LRRTM4: variants seen among roughly 807,000 people sequenced by gnomAD.
LRRTM4 encodes the protein leucine-rich repeat transmembrane neuronal protein 4.
LRRTM4 carries 25 observed loss-of-function variants against 47.6 expected under a neutral mutation model. That is an observed-to-expected ratio of 0.53 (90% CI 0.38 to 0.73). LRRTM4 has a LOEUF of 0.73. Among genes scored for constraint, LRRTM4 ranks in the 30% least tolerant of loss-of-function variants. The probability of loss-of-function intolerance (pLI) is 0.00; values close to 1 mark genes in which losing one functional copy is unlikely to be tolerated. For missense variants in LRRTM4, 638 were observed against 713.4 expected (o/e 0.89, Z 1.20); for synonymous variants, 311 against 269.5 (o/e 1.15, Z -1.51).
intron 3 of LRRTM4, among the ~76,000 whole-genome samples, chr2:77,084,051 C>T (rs914050018): frequency 3.3e-5 from 5 of 151,798 alleles, no homozygotes; most frequent in Admixed American, 6.6e-5. Flanking sequence ...GTGATCCACC[C>T]GCCTCGGCCT....
chr2:77,007,495 G>A (rs11899047), intron 3 of LRRTM4, among the ~76,000 whole-genome samples: 19,577 of 152,130 alleles, frequency 0.13, 3,263 homozygotes, highest in African/African-American at 0.38. Flanking sequence ...TCTATACACA[G>A]AAATAGCCAT....
chr2:76,817,776 A>G (rs1015398240), intron 3 of LRRTM4, among the ~76,000 whole-genome samples: 1 of 151,974 alleles, frequency 6.6e-6, no homozygotes, highest in Admixed American at 6.6e-5. Context: ...AACAAGAGAT[A>G]TTTTTAACGA....
At chr2:77,234,392 T>C (rs1038784323) in intron 3 of LRRTM4, among the ~76,000 whole-genome samples, 1 of 152,172 alleles carries the variant, frequency 6.6e-6, no homozygotes, top group African/African-American at 2.4e-5. Flanking sequence ...ACTATAATGA[T>C]TTCGAATAAT....
chr2:77,478,710 AG>A, intron 3 of LRRTM4, among the ~76,000 whole-genome samples: 1 of 152,296 alleles, frequency 6.6e-6, no homozygotes, highest in African/African-American at 2.4e-5. Flanking sequence ...TATTTGTTCA[AG>A]TCATTTCAGA....
intron 3 of LRRTM4, among the ~76,000 whole-genome samples, chr2:77,451,754 T>C (rs1168116913): frequency 1.3e-5 from 2 of 152,110 alleles, no homozygotes; most frequent in East Asian, 3.9e-4. Context: ...TTACTTTAAA[T>C]AGAATGCATG....
chr2:76,796,933 T>A (rs1303117495), intron 3 of LRRTM4, among the ~76,000 whole-genome samples: 2 of 151,858 alleles, frequency 1.3e-5, no homozygotes, highest in East Asian at 3.9e-4. Flanking sequence ...TAAAAAGAAA[T>A]GAGCAAAGCC....
At chr2:77,136,109 A>C (rs773946028) in intron 3 of LRRTM4, among the ~76,000 whole-genome samples, 127 of 151,984 alleles carry the variant, frequency 8.4e-4, no homozygotes, top group Non-Finnish European at 2.4e-4. Context: ...TGCATTTCCA[A>C]CTGAGCTTTG....
chr2:76,807,425 C>CGTATATACAT (rs1553412611), intron 3 of LRRTM4, among the ~76,000 whole-genome samples: 2 of 98,080 alleles, frequency 2.0e-5, no homozygotes, highest in African/African-American at 1.1e-4. Context: ...TATATATATA[C>CGTATATACAT]ATATATATAT....
intron 3 of LRRTM4, among the ~76,000 whole-genome samples, chr2:76,807,640 G>A (rs1045950456): frequency 2.6e-5 from 4 of 151,354 alleles, no homozygotes; most frequent in African/African-American, 9.7e-5. Flanking sequence ...TGCCCAGGCT[G>A]GAGTGCAACG....
chr2:77,371,654 G>A (rs1327449248), intron 3 of LRRTM4, among the ~76,000 whole-genome samples: 3 of 151,582 alleles, frequency 2.0e-5, no homozygotes, highest in Non-Finnish European at 4.4e-5. Context: ...TTTTTGGGGG[G>A]TCCTCCTTTC....
At chr2:76,774,661 G>A (rs1673881502) in intron 3 of LRRTM4, among the ~76,000 whole-genome samples, 1 of 152,148 alleles carries the variant, frequency 6.6e-6, no homozygotes, top group African/African-American at 2.4e-5. Context: ...GGTGACAGAG[G>A]CAGAAAAGGT....
At chr2:77,477,957 AAGAAAG>A (rs1418504860) in intron 3 of LRRTM4, among the ~76,000 whole-genome samples, 54 of 136,774 alleles carry the variant, frequency 3.9e-4, no homozygotes, top group African/African-American at 1.4e-3. Flanking sequence ...GAAAGAAAGA[AAGAAAG>A]AAAGAAAAAG....
At chr2:77,417,241 AAC>A (rs1480101349) in intron 3 of LRRTM4, among the ~76,000 whole-genome samples, 1 of 152,166 alleles carries the variant, frequency 6.6e-6, no homozygotes, top group East Asian at 1.9e-4. Flanking sequence ...GTCAGGAAAC[AAC>A]AGGTGCTGGA....
intron 3 of LRRTM4, among the ~76,000 whole-genome samples, chr2:77,429,795 G>T (rs765068518): frequency 6.6e-6 from 1 of 152,302 alleles, no homozygotes; most frequent in African/African-American, 2.4e-5. Context: ...GCCAGGTGGG[G>T]TGTCTCATGC....
intron 3 of LRRTM4, among the ~76,000 whole-genome samples, chr2:77,209,952 C>A (rs1470448849): frequency 6.6e-6 from 1 of 152,122 alleles, no homozygotes; most frequent in Non-Finnish European, 1.5e-5. Flanking sequence ...CTCCTGGGTT[C>A]AAATATTTCT....
rs190364538 is a variant in LRRTM4 at position 77,315,033 on chromosome 2, G to A, written c.1551+203285C>T. On this transcript the variant is annotated intron_variant, in intron 3 of 3. Transcript: ENST00000409884. ...CTAAGCTATGAGGCTCAGTAGGTTA[G>A]GTGTACTAAATGCATTCTTGACATT... Among the ~76,000 whole-genome samples, 16 of 152,256 alleles carry A rather than the reference G, an allele frequency of 1.1e-4. No individual in the cohort carries two copies. In the East Asian group the frequency reaches 2.9e-3, roughly 28 times the overall value.
intron 3 of LRRTM4, among the ~76,000 whole-genome samples, chr2:77,284,433 A>G (rs1676595632): frequency 6.6e-6 from 1 of 152,086 alleles, no homozygotes; most frequent in African/African-American, 2.4e-5. Flanking sequence ...TTGTCTTTTC[A>G]TTAAATATAG....
intron 3 of LRRTM4, among the ~76,000 whole-genome samples, chr2:77,109,599 C>T (rs1434004154): frequency 6.6e-6 from 1 of 151,934 alleles, no homozygotes; most frequent in Non-Finnish European, 1.5e-5. Flanking sequence ...GAGACACATT[C>T]TAACAAATAA....
At position 76,749,401 on chromosome 2, in the gene LRRTM4, C is replaced by A. The variant is rs116122292; in HGVS notation, c.1552-485G>T. On this transcript the variant is annotated intron_variant, in intron 3 of 3. Coordinates refer to ENST00000409884, the MANE Select transcript of LRRTM4 (RefSeq NM_001134745.3). ...TTACACTTTTATTTATATATATAAA[C>A]ATATATGTAACTTTTTATTTGATAC... Among the ~76,000 whole-genome samples the A allele has an allele frequency of 2.7e-3, 406 of 152,020 alleles. 2 individuals are homozygous for A. The highest frequency in any genetic ancestry group is 4.3e-3 in the Non-Finnish European group (291 of 67,986).
Sources: allele counts gnomAD v4.1 joint callset (sites outside exome capture counted in the v4.1 genomes callset), GRCh38; gene constraint gnomAD v4.1.1; transcripts MANE v1.5; gene names NCBI Gene and HGNC (gene_info 2026-07-23, HGNC 2026-07-21).